CDH13: variants seen among roughly 807,000 people sequenced by gnomAD.
CDH13 encodes cadherin-13.
CDH13 carries 24 observed loss-of-function variants against 63.8 expected under a neutral mutation model. The ratio of observed to expected loss-of-function variants is 0.38; its 90% CI spans 0.27 to 0.53. The LOEUF is 0.53. Ranked by LOEUF, CDH13 falls within the 20% of genes least tolerant of loss-of-function variation. The probability of loss-of-function intolerance (pLI) is 0.85; values close to 1 mark genes in which losing one functional copy is unlikely to be tolerated. For missense variants in CDH13, 1,049 were observed against 903.1 expected, an observed-to-expected ratio of 1.16 and a Z score of -2.07; for synonymous variants, 503 against 355.3, an observed-to-expected ratio of 1.42 and a Z score of -4.67.
chr16:82,718,259 G>T (rs1381510), intron 1 of CDH13, among the ~76,000 whole-genome samples: 23,134 of 152,088 alleles, frequency 0.15, 2,163 homozygotes, highest in Non-Finnish European at 0.21. Context: ...AGGGACCTGG[G>T]GTATTTATCT....
chr16:83,550,514 A>G (rs1428673898), intron 7 of CDH13, among the ~76,000 whole-genome samples: 2 of 152,246 alleles, frequency 1.3e-5, no homozygotes, highest in African/African-American at 4.8e-5. Context: ...CAAGCAGTTA[A>G]TCCGATGGCA....
intron 10 of CDH13, among the ~76,000 whole-genome samples, chr16:83,678,939 G>C (rs3784944): frequency 0.13 from 20,127 of 152,148 alleles, 1,503 homozygotes; most frequent in East Asian, 0.23. Context: ...AGAGGAATCA[G>C]GATGGAAACA....
At chr16:82,964,017 G>A (rs1345308896) in intron 2 of CDH13, among the ~76,000 whole-genome samples, 1 of 152,102 alleles carries the variant, frequency 6.6e-6, no homozygotes, top group Non-Finnish European at 1.5e-5. Context: ...TGGAGCTGCG[G>A]GCTTTTGAGA....
rs1904277632 is a variant in CDH13 at position 83,795,665 on chromosome 16, G to A, written c.*635G>A. 6.6e-6 allele frequency: 1 copy of A among 152,240 alleles called. No homozygotes were observed. Among genetic ancestry groups the A allele is most frequent in the Non-Finnish European group, 1.5e-5 (1 of 68,092 alleles). The allele number at this position is 152,240 out of a possible 1,614,324, so 9.4% of individuals were successfully genotyped here. On this transcript the variant is annotated 3_prime_UTR_variant, in exon 14 of 14. Coordinates refer to ENST00000567109, the MANE Select transcript of CDH13 (RefSeq NM_001257.5). ...ACAGAGAGGGAGAGCAGAGAAAGAA[G>A]TCCTTTCTCTTTATTGAGTTCGAGG...
chr16:82,919,426 AT>A (rs1160025678), intron 2 of CDH13, among the ~76,000 whole-genome samples: 2 of 152,180 alleles, frequency 1.3e-5, no homozygotes, highest in Admixed American at 1.3e-4. Context: ...TATTCTCATC[AT>A]TTAGCTCCAA....
Position 83,273,793 on chromosome 16 carries a change from G to A in CDH13, c.636+56296G>A, listed in dbSNP as rs149582581. Among the ~76,000 whole-genome samples the A allele has an allele frequency of 4.4e-3, 662 of 152,170 alleles. 4 individuals carry two copies. Among genetic ancestry groups the A allele is most frequent in the African/African-American group, 0.015 (628 of 41,494 alleles). On this transcript the variant is annotated intron_variant, in intron 5 of 13. Coordinates refer to ENST00000567109, the MANE Select transcript of CDH13 (RefSeq NM_001257.5). The stretch of plus-strand genomic sequence containing the variant: ...ATCGTGTTTTTATTTTCGTAACTAC[G>A]CAGCGAGGTAAGTTTAGTTATCTCC...
chr16:82,987,046 G>A (rs913355459), intron 2 of CDH13, among the ~76,000 whole-genome samples: 1 of 152,156 alleles, frequency 6.6e-6, no homozygotes, highest in Non-Finnish European at 1.5e-5. Context: ...ATTCAGGAAG[G>A]TGCCTCACAC....
Position 82,980,624 on chromosome 16 carries a change from A to G in CDH13, c.158-51386A>G, listed in dbSNP as rs553811009. On this transcript the variant is annotated intron_variant, in intron 2 of 13. Coordinates refer to ENST00000567109, the MANE Select transcript of CDH13 (RefSeq NM_001257.5). ...ATCCTCCCAACAATCTAGGAAGATA[A>G]GTTATGGTCTCCGTGTTCTCTAGTA... is the stretch of plus-strand genomic sequence containing the variant. Among the ~76,000 whole-genome samples the G allele has an allele frequency of 2.6e-3, 389 of 152,316 alleles. 1 individual carries two copies. The highest frequency in any genetic ancestry group is 0.017 in the Middle Eastern group (5 of 294).
rs550862797 is a variant in CDH13 at position 83,139,729 on chromosome 16, C to T, written c.483+14228C>T. The stretch of plus-strand genomic sequence containing the variant: ...AATAATATAAAAATATCCGGCCAGG[C>T]GCAGTGGTTCATGCCTGTAATCCCA... On this transcript the variant is annotated intron_variant, in intron 4 of 13. Transcript: ENST00000567109. Among the ~76,000 whole-genome samples, 8 of 152,114 alleles carry T rather than the reference C, an allele frequency of 5.3e-5. No individual in the cohort carries two copies. In the East Asian group the frequency reaches 7.7e-4, roughly 15 times the overall value.
At chr16:82,811,863 C>T (rs542802686) in intron 1 of CDH13, among the ~76,000 whole-genome samples, 11 of 152,160 alleles carry the variant, frequency 7.2e-5, no homozygotes, top group African/African-American at 2.4e-4. Context: ...GATGAGAATG[C>T]CAGAAGGGCC....
At chr16:83,087,671 C>CAAAAAAAAAAAAAAAAAAAAAAAA (rs67228844) in intron 3 of CDH13, among the ~76,000 whole-genome samples, 1 of 44,000 alleles carries the variant, frequency 2.3e-5, no homozygotes, top group African/African-American at 8.7e-5. Context: ...CCCTCCGTCT[C>CAAAAAAAAAAAAAAAAAAAAAAAA]AAAAAAAAAA....
At chr16:83,045,987 G>C (rs561606317) in intron 3 of CDH13, among the ~76,000 whole-genome samples, 1 of 152,352 alleles carries the variant, frequency 6.6e-6, no homozygotes, top group African/African-American at 2.4e-5. Flanking sequence ...TTTGGCCTGG[G>C]AGTGATGTGT....
Position 82,904,669 on chromosome 16 carries a change from C to G in CDH13, c.157+46196C>G, listed in dbSNP as rs139545595. On this transcript the variant is annotated intron_variant, in intron 2 of 13. Coordinates refer to ENST00000567109, the MANE Select transcript of CDH13 (RefSeq NM_001257.5). Reference sequence around the variant, plus strand: ...TACCTGGGTGGGCATAGTAGTCTTTCCCCTGGAGTTCTATGTCATTGCAGC... The same window carrying G: ...TACCTGGGTGGGCATAGTAGTCTTTGCCCTGGAGTTCTATGTCATTGCAGC... 4.5e-3 allele frequency among the ~76,000 whole-genome samples: 691 copies of G among 152,258 alleles called. 3 individuals are homozygous for G. The highest frequency in any genetic ancestry group is 0.015 in the African/African-American group (642 of 41,550).
chr16:82,804,423 A>G (rs987989418), intron 1 of CDH13, among the ~76,000 whole-genome samples: 1 of 152,190 alleles, frequency 6.6e-6, no homozygotes, highest in African/African-American at 2.4e-5. Flanking sequence ...TATAAAACAT[A>G]TCAAATTGTA....
chr16:83,780,269 C>T, intron 12 of CDH13, 68 bp downstream of exon 12: 1 of 1,062,946 alleles, frequency 9.4e-7, no homozygotes, highest in East Asian at 2.6e-5. Context: ...TCCCAAAATG[C>T]TGTTTCTCTA....
chr16:83,121,964 A>T (rs927166313), intron 3 of CDH13, among the ~76,000 whole-genome samples: 3 of 124,790 alleles, frequency 2.4e-5, no homozygotes, highest in African/African-American at 1.1e-4. Context: ...TAAAACTGTC[A>T]CACACACACA....
intron 7 of CDH13, among the ~76,000 whole-genome samples, chr16:83,544,459 C>T (rs190986228): frequency 6.2e-4 from 94 of 152,182 alleles, no homozygotes; most frequent in African/African-American, 1.9e-3. Flanking sequence ...ACCTGCTAAA[C>T]GCCATAGCTT....
intron 1 of CDH13, among the ~76,000 whole-genome samples, chr16:82,681,388 C>T (rs1020583393): frequency 1.3e-5 from 2 of 152,132 alleles, no homozygotes; most frequent in Non-Finnish European, 2.9e-5. Flanking sequence ...ACAGGATTTC[C>T]ATTTGGGGAG....
chr16:83,496,055 A>C (rs1210162000), intron 7 of CDH13, among the ~76,000 whole-genome samples: 1 of 151,566 alleles, frequency 6.6e-6, no homozygotes, highest in Admixed American at 6.6e-5. Flanking sequence ...GGGTAGGAAG[A>C]ATCAATATCG....
Sources: allele counts gnomAD v4.1 joint callset (sites outside exome capture counted in the v4.1 genomes callset), GRCh38; gene constraint gnomAD v4.1.1; transcripts MANE v1.5; gene names NCBI Gene and HGNC (gene_info 2026-07-23, HGNC 2026-07-21).